The following MYH11 variants were observed in gnomAD, a reference collection of about 807,000 sequenced individuals.
MYH11 encodes the protein myosin heavy chain 11.
MYH11 carries 80 observed loss-of-function variants against 246.6 expected under a neutral mutation model. The observed-to-expected ratio is 0.32, with a 90% CI of 0.27 to 0.39. The LOEUF (loss-of-function observed/expected upper bound fraction) is 0.39, where lower values mean the gene tolerates loss of function less well. Ranked by LOEUF, MYH11 falls within the 10% of genes least tolerant of loss-of-function variation. The probability of loss-of-function intolerance (pLI) is 1.00; values close to 1 mark genes in which losing one functional copy is unlikely to be tolerated. For synonymous variants in MYH11, 1,071 were observed against 1,015.5 expected (o/e 1.05, Z -1.04); for missense variants, 2,158 against 2,546.8 (o/e 0.85, Z 3.29).
chr16:15,749,831 T>A, intron 16 of MYH11: 4 of 496,566 alleles, frequency 8.1e-6, no homozygotes. Flanking sequence ...AGGGCTACAA[T>A]TTTTCTAACA....
In MYH11 at chr16:15,750,186, G is replaced by A. The variant is rs774336703; in HGVS notation, c.2010C>T (p.Asn670=). Residue 670 remains asparagine, a synonymous_variant, in exon 16 of 41, where the codon AAC becomes AAT. Coordinates refer to ENST00000300036, the MANE Select transcript of MYH11 (RefSeq NM_002474.3). The surrounding 1 kb of genome is among the most constrained non-coding windows in gnomAD (Gnocchi z 4.3). ...QLGKLMTTLR[N]TTPNFVRCII... is the part of the protein sequence containing the mutation. ...TGCAGCGCACGAAGTTGGGCGTGGTGTTGCGTAGCGTGGTCATCAGCTTGC... is the reference window on the plus strand; with the variant it reads ...TGCAGCGCACGAAGTTGGGCGTGGTATTGCGTAGCGTGGTCATCAGCTTGC... 102 of 1,614,118 alleles carry A rather than the reference G, an allele frequency of 6.3e-5. No individual in the cohort carries two copies. The highest frequency in any genetic ancestry group is 8.2e-5 in the Non-Finnish European group (97 of 1,180,058).
In MYH11 at chr16:15,720,903, A is replaced by C; in HGVS notation, c.4727T>G (p.Phe1576Cys). 1 of 1,613,680 alleles carries C rather than the reference A, an allele frequency of 6.2e-7. No individual in the cohort carries two copies. The highest frequency in any genetic ancestry group is 8.5e-7 in the Non-Finnish European group (1 of 1,179,936). The change falls in exon 33 of 41, where the codon TTC becomes TGC. Residue 1576 changes from phenylalanine (F) to cysteine (C), a missense_variant. By Grantham distance (205) the Phe-to-Cys change is radical. Transcript: ENST00000300036. ...EVNMQALKGQ[F>C]ERDLQARDEQ... is the part of the protein sequence containing the mutation. ...GTCCCGGGCTTGGAGATCCCTTTCGAACTGGCCCTTGAGCGCCTGCATGTT... is the reference window on the plus strand; with the variant it reads ...GTCCCGGGCTTGGAGATCCCTTTCGCACTGGCCCTTGAGCGCCTGCATGTT...
In MYH11 at chr16:15,735,176, C is replaced by CA. The variant is rs34752846; in HGVS notation, c.3506+189dup. Among the ~76,000 whole-genome samples, 187 of 116,186 alleles carry CA rather than the reference C, an allele frequency of 1.6e-3. 2 individuals are homozygous for CA. Among genetic ancestry groups the CA allele is most frequent in the East Asian group, 3.3e-3 (14 of 4,248 alleles). 76.2% of individuals were successfully genotyped at this position (116,186 alleles called of 152,430 possible). On this transcript the variant is annotated intron_variant, in intron 26 of 40. Transcript: ENST00000300036. ...CCTAGGCAACAAAGCCAGACTGCCT[C>CA]AAAAAAAAAAAAAAAAGAAAGAAAA...
At chr16:15,785,295 G>C (rs963280376) in intron 5 of MYH11, 4 of 152,136 alleles carry the variant, frequency 2.6e-5, no homozygotes, top group African/African-American at 9.7e-5. Context: ...GCAGCACATA[G>C]TAGGCCCTTG....
intron 3 of MYH11, among the ~76,000 whole-genome samples, chr16:15,799,622 A>G (rs1322487014): frequency 1.3e-5 from 2 of 152,216 alleles, no homozygotes; most frequent in Non-Finnish European, 2.9e-5. Context: ...TCTGAGGTGG[A>G]GCCAGGCTCT....
chr16:15,854,943 G>C lies in MYH11; in HGVS notation c.-18+1998C>G, dbSNP rs184273993. ...GGTTTCTCCACTAGTTCTTCAATGGGTGAGGGACATGGTAGACAAATCCCC... is the reference window on the plus strand; with the variant it reads ...GGTTTCTCCACTAGTTCTTCAATGGCTGAGGGACATGGTAGACAAATCCCC... On this transcript the variant is annotated intron_variant, in intron 1 of 40. Transcript: ENST00000300036. Among the ~76,000 whole-genome samples, 66 of 151,726 alleles carry C rather than the reference G, an allele frequency of 4.3e-4. 1 individual carries two copies. Among genetic ancestry groups the C allele is most frequent in the Middle Eastern group, 3.4e-3 (1 of 294 alleles).
Position 15,703,632 on chromosome 16 carries a change from A to G in MYH11, c.*359T>C, listed in dbSNP as rs2039301035. ...GGTTGAGACAGGGTCTCTGTTGCCC[A>G]GGCTGGAGTGCAATGATGCAATTAT... On this transcript the variant is annotated 3_prime_UTR_variant, in exon 41 of 41. Coordinates refer to ENST00000300036, the MANE Select transcript of MYH11 (RefSeq NM_002474.3). 2.5e-6 allele frequency: 1 copy of G among 407,140 alleles called. No homozygotes were observed. 25.2% of individuals were successfully genotyped at this position (407,140 alleles called of 1,614,324 possible). A position where few individuals can be genotyped will look rare whatever the true frequency, so the allele number is the denominator to read the frequency against.
At chr16:15,778,157 TA>T (rs2042266988) in intron 7 of MYH11, among the ~76,000 whole-genome samples, 1 of 152,106 alleles carries the variant, frequency 6.6e-6, no homozygotes. Flanking sequence ...CAGAAATTTC[TA>T]ACTTGGCTCC....
intron 4 of MYH11, among the ~76,000 whole-genome samples, chr16:15,787,715 C>T (rs533061321): frequency 3.3e-5 from 5 of 152,016 alleles, no homozygotes; most frequent in East Asian, 1.9e-4. Context: ...CCTCGTGATC[C>T]GCCTGCAGAC....
chr16:15,818,956 T>G (rs2043333644), intron 3 of MYH11, among the ~76,000 whole-genome samples: 1 of 152,222 alleles, frequency 6.6e-6, no homozygotes, highest in African/African-American at 2.4e-5. Context: ...CATAGCACAC[T>G]GCATTCTTGA....
chr16:15,844,903 C>T (rs560292505), intron 1 of MYH11, among the ~76,000 whole-genome samples: 67 of 152,246 alleles, frequency 4.4e-4, no homozygotes, highest in African/African-American at 1.5e-3. Context: ...AGGGCATTTT[C>T]ATTAGCCTAA....
At chr16:15,720,066 C>T in intron 34 of MYH11, 85 bp downstream of exon 34, 1 of 1,584,530 alleles carries the variant, frequency 6.3e-7, no homozygotes, top group Non-Finnish European at 8.7e-7. Context: ...GGCTTGCTTC[C>T]TGGAGCCCGC....
intron 3 of MYH11, among the ~76,000 whole-genome samples, chr16:15,820,804 G>C (rs569152179): frequency 6.6e-6 from 1 of 152,272 alleles, no homozygotes; most frequent in East Asian, 1.9e-4. Context: ...GCACCTACTT[G>C]TAATTAAAAT....
Position 15,788,794 on chromosome 16 carries a change from A to ATGTGTGTG in MYH11, c.531-2063_531-2062insCACACACA, listed in dbSNP as rs1491200616. ...CCCAGAAGGGGAAACTAAGACCAGA[A>ATGTGTGTG]TATATGTGTGTGTGTGTGTGTGTGT... On this transcript the variant is annotated intron_variant, in intron 4 of 40. Coordinates refer to ENST00000300036, the MANE Select transcript of MYH11 (RefSeq NM_002474.3). Among the ~76,000 whole-genome samples the ATGTGTGTG allele has an allele frequency of 7.1e-4, 77 of 107,784 alleles. 1 individual carries two copies. Among genetic ancestry groups the ATGTGTGTG allele is most frequent in the African/African-American group, 1.7e-3 (46 of 27,558 alleles). 70.7% of individuals were successfully genotyped at this position (107,784 alleles called of 152,430 possible).
At chr16:15,738,985 G>T (rs2041198678) in intron 23 of MYH11, among the ~76,000 whole-genome samples, 1 of 152,076 alleles carries the variant, frequency 6.6e-6, no homozygotes, top group South Asian at 2.1e-4. Context: ...GGGCCAACCA[G>T]CTGAGATGCT....
chr16:15,726,129 C>T (rs1204689418), intron 28 of MYH11: 1 of 162,162 alleles, frequency 6.2e-6, no homozygotes, highest in African/African-American at 2.4e-5. Context: ...GGTTAGGCCC[C>T]CTGGTTATTT....
At chr16:15,745,920 ATT>A (rs1429690249) in intron 19 of MYH11, among the ~76,000 whole-genome samples, 2 of 140,226 alleles carry the variant, frequency 1.4e-5, no homozygotes, top group African/African-American at 5.4e-5. Context: ...TTATTTATTT[ATT>A]TGTTTATTTT....
Position 15,845,487 on chromosome 16 carries a change from T to A in MYH11, c.-17-7218A>T, listed in dbSNP as rs559301992. Among the ~76,000 whole-genome samples the A allele has an allele frequency of 5.3e-5, 8 of 152,288 alleles. No homozygotes were observed. The South Asian group carries it at 1.7e-3, about 32-fold the overall frequency. On this transcript the variant is annotated intron_variant, in intron 1 of 40. Coordinates refer to ENST00000300036, the MANE Select transcript of MYH11 (RefSeq NM_002474.3). ...CGGTGACTCTAAGCCACTTCGCTCA[T>A]TCCTAACCAATAGCATTTACTACTG...
chr16:15,838,593 C>G (rs1466129305), intron 1 of MYH11, among the ~76,000 whole-genome samples: 1 of 152,174 alleles, frequency 6.6e-6, no homozygotes, highest in African/African-American at 2.4e-5. Flanking sequence ...GACAAGGTGG[C>G]TCACACCTGT....
Sources: gnomAD v4.1 joint callset for allele counts (sites outside exome capture counted in the v4.1 genomes callset) on GRCh38, gnomAD v4.1.1 for gene constraint, Gnocchi (gnomAD v3.1) non-coding constraint, MANE v1.5 for transcripts, NCBI Gene and HGNC (gene_info 2026-07-23, HGNC 2026-07-21) for gene names.